Variants in COP1 observed in about 807,000 individuals in gnomAD.
COP1 encodes the protein COP1 E3 ubiquitin ligase, also known as E3 ubiquitin-protein ligase COP1.
COP1 carries 24 observed loss-of-function variants against 101.3 expected under a neutral mutation model. The observed-to-expected ratio is 0.24, with a 90% CI of 0.17 to 0.33. COP1 has a LOEUF of 0.33. COP1 is among the 10% of genes least tolerant of loss of function. COP1 has a pLI of 1.00. For missense variants in COP1, 663 were observed against 906.2 expected, an observed-to-expected ratio of 0.73 and a Z score of 3.45; for synonymous variants, 347 against 341.9, an observed-to-expected ratio of 1.01 and a Z score of -0.17.
intron 3 of COP1, among the ~76,000 whole-genome samples, chr1:176,166,147 G>A (rs1695112275): frequency 6.6e-6 from 1 of 151,934 alleles, no homozygotes; most frequent in Non-Finnish European, 1.5e-5. Flanking sequence ...TATTTATTGA[G>A]ACAGGGTGTG....
chr1:175,960,360 C>G (rs1651189243), intron 18 of COP1, among the ~76,000 whole-genome samples: 1 of 152,184 alleles, frequency 6.6e-6, no homozygotes, highest in East Asian at 1.9e-4. Context: ...TAAAACTAAG[C>G]TAACAGAACC....
At chr1:176,147,907 T>C (rs1322519757) in intron 6 of COP1, among the ~76,000 whole-genome samples, 1 of 152,152 alleles carries the variant, frequency 6.6e-6, no homozygotes, top group African/African-American at 2.4e-5. Context: ...ATCAGGCAAC[T>C]TTCTTTTTTT....
At chr1:175,962,501 G>T (rs770817772) in intron 18 of COP1, among the ~76,000 whole-genome samples, 10 of 151,878 alleles carry the variant, frequency 6.6e-5, no homozygotes, top group Non-Finnish European at 1.2e-4. Context: ...TTGTCTTCTT[G>T]TCTAAATGGT....
intron 18 of COP1, among the ~76,000 whole-genome samples, chr1:175,967,508 CAAA>C (rs1304761121): frequency 2.0e-5 from 3 of 151,782 alleles, no homozygotes; most frequent in Admixed American, 6.6e-5. Flanking sequence ...AACAAACAAA[CAAA>C]CAAACAAACA....
At position 176,066,987 on chromosome 1, in the gene COP1, T is replaced by C. The variant is rs182820091; in HGVS notation, c.1277+14165A>G. 5.5e-4 allele frequency among the ~76,000 whole-genome samples: 84 copies of C among 152,286 alleles called. 2 individuals are homozygous for C. Among genetic ancestry groups the C allele is most frequent in the African/African-American group, 1.8e-3 (76 of 41,576 alleles). ...TCCTGGTACACATGCAACCCACTCA[T>C]ATGACAACTTATTGGGCAAGAAGCT... On this transcript the variant is annotated intron_variant, in intron 11 of 19. Coordinates refer to ENST00000367669, the MANE Select transcript of COP1 (RefSeq NM_022457.7).
intron 11 of COP1, among the ~76,000 whole-genome samples, chr1:176,047,494 A>G (rs1460843323): frequency 6.6e-6 from 1 of 152,184 alleles, no homozygotes; most frequent in Non-Finnish European, 1.5e-5. Context: ...ATTACAGATC[A>G]AAGCTCTTAA....
rs115756907 is a variant in COP1 at position 176,131,931 on chromosome 1, C to G, written c.968+3079G>C. Among the ~76,000 whole-genome samples, 603 of 151,836 alleles carry G rather than the reference C, an allele frequency of 4.0e-3. 2 individuals are homozygous for G. Among genetic ancestry groups the G allele is most frequent in the Middle Eastern group, 0.017 (5 of 294 alleles). On this transcript the variant is annotated intron_variant, in intron 8 of 19. Coordinates refer to ENST00000367669, the MANE Select transcript of COP1 (RefSeq NM_022457.7). Reference sequence around the variant, plus strand: ...TCTTGAACTGCTAACCCATTTAACTCTGCTAGAATCTAATTTAATGACAGC... The same window carrying G: ...TCTTGAACTGCTAACCCATTTAACTGTGCTAGAATCTAATTTAATGACAGC...
intron 1 of COP1, among the ~76,000 whole-genome samples, chr1:176,185,702 A>T (rs1413956824): frequency 6.6e-6 from 1 of 152,242 alleles, no homozygotes; most frequent in Non-Finnish European, 1.5e-5. Context: ...TAAGCTAGGA[A>T]GAAAGGAGGA....
chr1:176,076,003 C>A (rs1327495160), intron 11 of COP1, among the ~76,000 whole-genome samples: 39 of 96,514 alleles, frequency 4.0e-4, no homozygotes, highest in East Asian at 5.7e-4. Context: ...AACTCCATCT[C>A]AAAAAAAAAA....
At chr1:176,136,606 G>C (rs1337596510) in intron 6 of COP1, 59 bp from the exon 7 acceptor site, 6 of 1,075,004 alleles carry the variant, frequency 5.6e-6, no homozygotes, top group Non-Finnish European at 8.2e-6. Context: ...AAACCAAAAT[G>C]GCATCACCAT....
intron 15 of COP1, among the ~76,000 whole-genome samples, chr1:175,995,203 C>A (rs1021937445): frequency 5.9e-5 from 9 of 152,134 alleles, no homozygotes; most frequent in African/African-American, 1.9e-4. Context: ...ACAACAAGAA[C>A]AAAGACACAA....
intron 11 of COP1, among the ~76,000 whole-genome samples, chr1:176,046,901 T>C (rs1408854030): frequency 6.6e-6 from 1 of 152,070 alleles, no homozygotes; most frequent in Admixed American, 6.6e-5. Context: ...AATATCTCTC[T>C]GAATTATAAA....
chr1:176,036,838 C>T (rs1330304613), intron 14 of COP1, among the ~76,000 whole-genome samples: 1 of 152,124 alleles, frequency 6.6e-6, no homozygotes, highest in Non-Finnish European at 1.5e-5. Context: ...GTATTAAATG[C>T]ATTTTCAATT....
At chr1:176,051,929 T>G (rs1384349304) in intron 11 of COP1, among the ~76,000 whole-genome samples, 1 of 152,268 alleles carries the variant, frequency 6.6e-6, no homozygotes, top group South Asian at 2.1e-4. Context: ...AAAAAAAAAT[T>G]TTTAAGTTAT....
At position 175,969,222 on chromosome 1, in the gene COP1, T is replaced by G. The variant is rs1452501382; in HGVS notation, c.2133+17721A>C. On this transcript the variant is annotated intron_variant, in intron 18 of 19. Coordinates refer to ENST00000367669, the MANE Select transcript of COP1 (RefSeq NM_022457.7). ...ATTTCTCCAAATATAAAGCAGATAC[T>G]CTTAGGTAGAATCTGTATGAAGATT... Among the ~76,000 whole-genome samples, 3 of 152,196 alleles carry G rather than the reference T, an allele frequency of 2.0e-5. No homozygotes were observed. The East Asian group carries it at 5.8e-4, about 29-fold the overall frequency.
intron 15 of COP1, among the ~76,000 whole-genome samples, chr1:176,020,267 C>T (rs761251741): frequency 4.4e-4 from 64 of 146,342 alleles, no homozygotes; most frequent in African/African-American, 6.1e-4. Flanking sequence ...GCCAAGATCA[C>T]GCCATTGCCC....
intron 5 of COP1, among the ~76,000 whole-genome samples, chr1:176,154,010 T>C (rs1441631414): frequency 6.6e-6 from 1 of 152,204 alleles, no homozygotes; most frequent in Non-Finnish European, 1.5e-5. Context: ...TTGTTGAGGA[T>C]TTTTGCATGG....
chr1:176,144,520 A>T lies in COP1; in HGVS notation c.831+4486T>A, dbSNP rs1691264754. Among the ~76,000 whole-genome samples the T allele has an allele frequency of 2.0e-5, 3 of 152,178 alleles. No homozygotes were observed. The South Asian group carries it at 6.2e-4, about 31-fold the overall frequency. ...ACAGTCTCCCAGATTTATCTAGTCA[A>T]ATTAATCCCAATAAAAAGCACAGTA... On this transcript the variant is annotated intron_variant, in intron 6 of 19. Transcript: ENST00000367669.
intron 9 of COP1, among the ~76,000 whole-genome samples, chr1:176,096,372 C>T (rs978577404): frequency 2.0e-5 from 3 of 151,802 alleles, no homozygotes; most frequent in South Asian, 2.1e-4. Flanking sequence ...GATGGTTGGG[C>T]GAATGGCAGC....
Sources: allele counts gnomAD v4.1 joint callset (sites outside exome capture counted in the v4.1 genomes callset), GRCh38; gene constraint gnomAD v4.1.1; transcripts MANE v1.5; gene names NCBI Gene and HGNC (gene_info 2026-07-23, HGNC 2026-07-21).